The following DHRS3 variants were observed in gnomAD, a reference collection of about 807,000 sequenced individuals.
DHRS3 encodes short-chain dehydrogenase/reductase 3.
A neutral mutation model predicts 27.2 loss-of-function variants in DHRS3; 14 were observed. The observed-to-expected ratio is 0.52, with a 90% CI of 0.34 to 0.81. The LOEUF (loss-of-function observed/expected upper bound fraction) is 0.81, where lower values mean the gene tolerates loss of function less well. Among genes scored for constraint, DHRS3 ranks in the 30% least tolerant of loss-of-function variants. The pLI, the probability that DHRS3 is intolerant of heterozygous loss-of-function variation, is 0.01. For synonymous variants in DHRS3, 165 were observed against 175.9 expected, an observed-to-expected ratio of 0.94 and a Z score of 0.49; for missense variants, 322 against 406.2, an observed-to-expected ratio of 0.79 and a Z score of 1.78.
rs990116470 is a variant in DHRS3 at position 12,574,766 on chromosome 1, C to T, written c.699-1913G>A. ...CTGTGCGCAGGATTTTCTCCTTCCTCTCCACGGTGTGTGGGATGGGGACAC... is the reference window on the plus strand; with the variant it reads ...CTGTGCGCAGGATTTTCTCCTTCCTTTCCACGGTGTGTGGGATGGGGACAC... On this transcript the variant is annotated intron_variant, in intron 4 of 5. Transcript: ENST00000616661. This position sits in a 1 kb window ranked among gnomAD's most constrained non-coding sequence, Gnocchi z 4.6. Among the ~76,000 whole-genome samples the T allele has an allele frequency of 6.6e-6, 1 of 152,234 alleles. No individual in the cohort carries two copies. Among genetic ancestry groups the T allele is most frequent in the African/African-American group, 2.4e-5 (1 of 41,474 alleles).
intron 1 of DHRS3, among the ~76,000 whole-genome samples, chr1:12,598,710 G>C (rs982549195): frequency 6.6e-6 from 1 of 152,152 alleles, no homozygotes; most frequent in Non-Finnish European, 1.5e-5. Flanking sequence ...AGACCTATGA[G>C]ACACAGCTAG....
At chr1:12,585,023 GTGTGTGTCTC>G (rs1474631388) in intron 1 of DHRS3, among the ~76,000 whole-genome samples, 1 of 151,598 alleles carries the variant, frequency 6.6e-6, no homozygotes, top group Non-Finnish European at 1.5e-5. Context: ...CTCTGTGTGT[GTGTGTGTCTC>G]TGTGTGTCTG....
intron 1 of DHRS3, among the ~76,000 whole-genome samples, chr1:12,611,330 A>G (rs1352003886): frequency 6.6e-6 from 1 of 152,196 alleles, no homozygotes; most frequent in Non-Finnish European, 1.5e-5. Flanking sequence ...AAGTTGGTGA[A>G]TTTAGAAGAA....
Position 12,572,761 on chromosome 1 carries a change from GGGA to G in DHRS3, c.788_790del (p.Leu263del), listed in dbSNP as rs753075497. The G allele has an allele frequency of 5.6e-6, 9 of 1,610,354 alleles. No homozygotes were observed. The highest frequency in any genetic ancestry group is 2.2e-5 in the East Asian group (1 of 44,798). ...GATAACGAGGGCATGCATTGTCCAT[GGGA>G]GGAGGAGGAGGGCCTGGTTGAGCTG... is the stretch of plus-strand genomic sequence containing the variant. On this transcript the variant is annotated inframe_deletion, in exon 5 of 6. Transcript: ENST00000616661.
At chr1:12,616,177 C>T (rs541535357) in intron 1 of DHRS3, among the ~76,000 whole-genome samples, 2 of 152,316 alleles carry the variant, frequency 1.3e-5, no homozygotes, top group South Asian at 2.1e-4. Flanking sequence ...GCTGGCTTTG[C>T]GGCCCTTTCA....
At chr1:12,589,608 A>G (rs1646728611) in intron 1 of DHRS3, among the ~76,000 whole-genome samples, 1 of 152,022 alleles carries the variant, frequency 6.6e-6, no homozygotes, top group Non-Finnish European at 1.5e-5. Context: ...CAATATGGTG[A>G]ATTACAGGTG....
chr1:12,581,185 G>A lies in DHRS3; in HGVS notation c.196-519C>T, dbSNP rs1455268497. ...TTTTAAGTGAACCAGTAGTTTCTGA[G>A]CCCACTTATGATCAATCAATTGATG... On this transcript the variant is annotated intron_variant, in intron 1 of 5. Transcript: ENST00000616661. Among the ~76,000 whole-genome samples, 7 of 152,236 alleles carry A rather than the reference G, an allele frequency of 4.6e-5. No homozygotes were observed. In the East Asian group the frequency reaches 7.7e-4, roughly 17 times the overall value.
chr1:12,610,873 T>A (rs1382677372), intron 1 of DHRS3, among the ~76,000 whole-genome samples: 1 of 152,206 alleles, frequency 6.6e-6, no homozygotes, highest in Admixed American at 6.5e-5. Flanking sequence ...CTGGGTGTGT[T>A]CATGCTTTTG....
rs368466930 is a variant in DHRS3 at position 12,591,211 on chromosome 1, C to T, written c.196-10545G>A. Among the ~76,000 whole-genome samples, 16 of 152,322 alleles carry T rather than the reference C, an allele frequency of 1.1e-4. No homozygotes were observed. The East Asian group carries it at 2.1e-3, about 20-fold the overall frequency. On this transcript the variant is annotated intron_variant, in intron 1 of 5. Coordinates refer to ENST00000616661, the MANE Select transcript of DHRS3 (RefSeq NM_004753.7). The surrounding 1 kb of genome is among the most constrained non-coding windows in gnomAD (Gnocchi z 4.1). ...GCCCTAGGTCGTTACAGGTGCCCCA[C>T]GGCTGACCCCAGGAGGTCAGAGGTG...
chr1:12,602,659 C>T (rs547768447), intron 1 of DHRS3, among the ~76,000 whole-genome samples: 3 of 152,364 alleles, frequency 2.0e-5, no homozygotes, highest in African/African-American at 7.2e-5. Context: ...CTCTTGGAAA[C>T]GCTCTTGCCA....
rs770893059 is a variant in DHRS3, at chr1:12,580,510, C to T, written c.339+13G>A. On this transcript the variant is annotated intron_variant, in intron 2 of 5. Transcript: ENST00000616661. ...TCAGCTGTGCTAGGAATAGACCCTC[C>T]CAGGCTACAGACCTTCTCCCGGACG... 64 of 1,614,030 alleles carry T rather than the reference C, an allele frequency of 4.0e-5. No homozygotes were observed. The highest frequency in any genetic ancestry group is 4.6e-5 in the Non-Finnish European group (54 of 1,180,020).
At chr1:12,576,561 T>TA (rs1185862824) in intron 4 of DHRS3, among the ~76,000 whole-genome samples, 17,133 of 142,708 alleles carry the variant, frequency 0.12, 1,253 homozygotes, top group Non-Finnish European at 0.18. Flanking sequence ...GATTCCGTCT[T>TA]AAAAAAAAAA....
chr1:12,587,060 G>A (rs562040175), intron 1 of DHRS3, among the ~76,000 whole-genome samples: 1 of 151,552 alleles, frequency 6.6e-6, no homozygotes, highest in African/African-American at 2.4e-5. Flanking sequence ...TAAGTGACAC[G>A]ACATGGAAAA....
chr1:12,580,252 T>G (rs1013684324), intron 2 of DHRS3: 1 of 486,036 alleles, frequency 2.1e-6, no homozygotes, highest in Non-Finnish European at 3.8e-6. Flanking sequence ...CAGAGGCCAA[T>G]GGGACATTTG....
intron 4 of DHRS3, among the ~76,000 whole-genome samples, chr1:12,577,034 T>C (rs1429562609): frequency 6.6e-6 from 1 of 151,892 alleles, no homozygotes; most frequent in Non-Finnish European, 1.5e-5. Context: ...TAAGGCGTAA[T>C]GAGTGACTCC....
At chr1:12,568,549 C>T in intron 5 of DHRS3, 125 bp from the exon 6 acceptor site, 1 of 818,794 alleles carries the variant, frequency 1.2e-6, no homozygotes, top group Non-Finnish European at 2.0e-6. Context: ...CCCCACACCT[C>T]CAAGCCACAC....
chr1:12,568,743 T>C (rs1314938118), intron 5 of DHRS3, among the ~76,000 whole-genome samples: 2 of 151,910 alleles, frequency 1.3e-5, no homozygotes, highest in Non-Finnish European at 2.9e-5. Context: ...CTGGGCAATA[T>C]GGTGAAACCC....
At chr1:12,584,420 C>T (rs1435844438) in intron 1 of DHRS3, among the ~76,000 whole-genome samples, 1 of 151,984 alleles carries the variant, frequency 6.6e-6, no homozygotes, top group African/African-American at 2.4e-5. Flanking sequence ...GTGCCCCAGG[C>T]GGGCTGGGGA....
At chr1:12,602,882 C>T (rs570131349) in intron 1 of DHRS3, among the ~76,000 whole-genome samples, 8 of 152,382 alleles carry the variant, frequency 5.2e-5, no homozygotes, top group South Asian at 2.1e-4. Flanking sequence ...CGGCCTCTAC[C>T]GCCCAAAAGA....
Sources: gnomAD v4.1 joint callset for allele counts (sites outside exome capture counted in the v4.1 genomes callset) on GRCh38, gnomAD v4.1.1 for gene constraint, Gnocchi (gnomAD v3.1) non-coding constraint, MANE v1.5 for transcripts, NCBI Gene and HGNC (gene_info 2026-07-23, HGNC 2026-07-21) for gene names.